The following KIAA1328 variants were observed in gnomAD, a reference collection of about 807,000 sequenced individuals.
KIAA1328 encodes KIAA1328, also known as protein hinderin.
Under a neutral mutation model 68.1 loss-of-function variants are expected in KIAA1328, and 52 were observed. The ratio of observed to expected loss-of-function variants is 0.76; its 90% CI spans 0.61 to 0.96. KIAA1328 has a LOEUF of 0.96. KIAA1328 is among the 40% of genes least tolerant of loss of function. The pLI is 0.00. For synonymous variants in KIAA1328, 232 were observed against 239.4 expected (o/e 0.97, Z 0.28); for missense variants, 641 against 677.6 (o/e 0.95, Z 0.60).
intron 6 of KIAA1328, among the ~76,000 whole-genome samples, chr18:37,023,772 AC>A (rs1216289298): frequency 6.6e-6 from 1 of 151,922 alleles, no homozygotes; most frequent in Admixed American, 6.5e-5. Flanking sequence ...TGACAGTTGA[AC>A]ATCATCTGTA....
Position 37,223,885 on chromosome 18 carries a change from GAAAT to G in KIAA1328, c.*1664_*1667del. ...CCCACTAATATTATATTTTTCTTCT[GAAAT>G]AAATATAAAGTCAAGACTAACTAGT... On this transcript the variant is annotated 3_prime_UTR_variant, in exon 10 of 10. Coordinates refer to ENST00000280020, the MANE Select transcript of KIAA1328 (RefSeq NM_020776.3). 6 of 981,844 alleles carry G rather than the reference GAAAT, an allele frequency of 6.1e-6. No individual in the cohort carries two copies. The highest frequency in any genetic ancestry group is 7.3e-6 in the Non-Finnish European group (6 of 826,818). The allele number at this position is 981,844 out of a possible 1,614,324, so 60.8% of individuals were successfully genotyped here. A position where few individuals can be genotyped will look rare whatever the true frequency, so the allele number is the denominator to read the frequency against.
At chr18:36,952,630 TGC>T (rs1167873972) in intron 5 of KIAA1328, among the ~76,000 whole-genome samples, 1 of 152,224 alleles carries the variant, frequency 6.6e-6, no homozygotes, top group African/African-American at 2.4e-5. Flanking sequence ...CCTAAGTCTA[TGC>T]GTTTACTGAA....
intron 6 of KIAA1328, among the ~76,000 whole-genome samples, chr18:36,987,856 A>G (rs1482579581): frequency 6.6e-6 from 1 of 152,078 alleles, no homozygotes; most frequent in African/African-American, 2.4e-5. Context: ...TTAAAAAAAA[A>G]GAACTGCATA....
intron 5 of KIAA1328, among the ~76,000 whole-genome samples, chr18:36,931,069 G>A (rs1039034631): frequency 7.2e-5 from 11 of 152,022 alleles, no homozygotes; most frequent in African/African-American, 2.4e-4. Context: ...GCATAGGGCA[G>A]TCACTAGGAC....
intron 6 of KIAA1328, among the ~76,000 whole-genome samples, chr18:37,023,656 A>G (rs1312584954): frequency 3.3e-5 from 5 of 152,180 alleles, no homozygotes; most frequent in African/African-American, 9.7e-5. Context: ...CCTGTCAACC[A>G]TTGGGTTTAC....
At chr18:36,973,841 A>ACACT (rs1254866243) in intron 6 of KIAA1328, among the ~76,000 whole-genome samples, 2 of 151,576 alleles carry the variant, frequency 1.3e-5, no homozygotes, top group Non-Finnish European at 2.9e-5. Flanking sequence ...ACACACACAC[A>ACACT]CACACACACA....
intron 3 of KIAA1328, among the ~76,000 whole-genome samples, chr18:36,837,721 C>T (rs1405459383): frequency 2.6e-5 from 4 of 151,964 alleles, no homozygotes; most frequent in East Asian, 3.9e-4. Context: ...GGTTTTACTC[C>T]TACATTTAGT....
intron 6 of KIAA1328, among the ~76,000 whole-genome samples, chr18:36,971,655 T>G (rs2052218341): frequency 6.6e-6 from 1 of 152,036 alleles, no homozygotes; most frequent in Non-Finnish European, 1.5e-5. Flanking sequence ...TTAAAAAATG[T>G]GGTACTGTAT....
intron 5 of KIAA1328, chr18:36,886,426 G>A (rs2048502588): frequency 6.6e-6 from 1 of 152,140 alleles, no homozygotes; most frequent in Non-Finnish European, 1.5e-5. Context: ...TAATTGGTAA[G>A]TGTTTACACG....
intron 6 of KIAA1328, among the ~76,000 whole-genome samples, chr18:37,001,701 T>C (rs985331268): frequency 2.0e-5 from 3 of 152,118 alleles, no homozygotes; most frequent in African/African-American, 7.2e-5. Flanking sequence ...TGGCTCAACA[T>C]ACATAAATCA....
intron 7 of KIAA1328, among the ~76,000 whole-genome samples, chr18:37,089,188 G>C (rs759955025): frequency 6.6e-6 from 1 of 151,952 alleles, no homozygotes; most frequent in Admixed American, 6.6e-5. Context: ...GTTTGAGGTA[G>C]GGAGGATAGG....
chr18:37,182,733 T>G (rs2059721328), intron 9 of KIAA1328, among the ~76,000 whole-genome samples: 1 of 152,182 alleles, frequency 6.6e-6, no homozygotes, highest in Non-Finnish European at 1.5e-5. Context: ...CAAATATGCC[T>G]GTTACTTTAC....
intron 9 of KIAA1328, among the ~76,000 whole-genome samples, chr18:37,214,618 G>T (rs138884355): frequency 3.9e-5 from 6 of 152,182 alleles, no homozygotes; most frequent in Non-Finnish European, 5.9e-5. Flanking sequence ...GCTTAGGATT[G>T]TCTTGGCAAT....
chr18:37,106,770 T>C (rs2057788536), intron 7 of KIAA1328, among the ~76,000 whole-genome samples: 1 of 152,212 alleles, frequency 6.6e-6, no homozygotes. Context: ...CACTAATGCT[T>C]TTTAAAAATT....
chr18:36,869,848 C>A (rs920028195), intron 4 of KIAA1328, among the ~76,000 whole-genome samples: 1 of 151,996 alleles, frequency 6.6e-6, no homozygotes, highest in Admixed American at 6.6e-5. Flanking sequence ...CAGGTTAGTA[C>A]TTTATAATTG....
At chr18:37,204,893 T>A (rs988387686) in intron 9 of KIAA1328, among the ~76,000 whole-genome samples, 24 of 152,174 alleles carry the variant, frequency 1.6e-4, no homozygotes, top group African/African-American at 3.4e-4. Flanking sequence ...GAGCTTTTTT[T>A]AAAATTCTTT....
intron 7 of KIAA1328, among the ~76,000 whole-genome samples, chr18:37,071,432 C>T (rs1244118857): frequency 1.3e-5 from 2 of 152,038 alleles, no homozygotes; most frequent in Non-Finnish European, 2.9e-5. Context: ...CCCTCCATAT[C>T]CCTGGAGTCA....
chr18:37,077,886 G>A (rs1362259218), intron 7 of KIAA1328, among the ~76,000 whole-genome samples: 1 of 151,834 alleles, frequency 6.6e-6, no homozygotes, highest in Non-Finnish European at 1.5e-5. Context: ...TCAATATTGT[G>A]AAAATGGCCG....
At chr18:36,978,229 G>A (rs1404583531) in intron 6 of KIAA1328, among the ~76,000 whole-genome samples, 1 of 152,176 alleles carries the variant, frequency 6.6e-6, no homozygotes, top group Non-Finnish European at 1.5e-5. Flanking sequence ...ACTGTGAAAT[G>A]TTATCTACCA....
Sources: allele counts gnomAD v4.1 joint callset (sites outside exome capture counted in the v4.1 genomes callset), GRCh38; gene constraint gnomAD v4.1.1; transcripts MANE v1.5; gene names NCBI Gene and HGNC (gene_info 2026-07-23, HGNC 2026-07-21).